The following ZNF609 variants were observed in gnomAD, a reference collection of about 807,000 sequenced individuals.
ZNF609 encodes the protein zinc finger protein 609.
A neutral mutation model predicts 109.5 loss-of-function variants in ZNF609; 11 were observed. That is an observed-to-expected ratio of 0.10 (90% confidence interval 0.06 to 0.17). The LOEUF (loss-of-function observed/expected upper bound fraction) is 0.17, where lower values mean the gene tolerates loss of function less well. Ranked by LOEUF, ZNF609 falls within the 10% of genes least tolerant of loss-of-function variation. ZNF609 has a pLI of 1.00. For missense variants in ZNF609, 1,559 were observed against 1,772.4 expected (o/e 0.88, Z 2.16); for synonymous variants, 646 against 662.0 (o/e 0.98, Z 0.37).
intron 3 of ZNF609, among the ~76,000 whole-genome samples, chr15:64,662,074 A>G (rs577431942): frequency 6.7e-6 from 1 of 150,010 alleles, no homozygotes; most frequent in South Asian, 2.1e-4. Context: ...CTGAAAGCAT[A>G]TCTGGGGCTG....
chr15:64,548,092 A>G (rs1894397977), intron 2 of ZNF609, among the ~76,000 whole-genome samples: 1 of 152,200 alleles, frequency 6.6e-6, no homozygotes. Context: ...TCTAATTTGC[A>G]AGGAATTTTT....
chr15:64,616,671 C>T (rs566003674), intron 2 of ZNF609, among the ~76,000 whole-genome samples: 3 of 151,234 alleles, frequency 2.0e-5, no homozygotes, highest in East Asian at 1.9e-4. Flanking sequence ...AGGCGCCCGC[C>T]ACCACACCCG....
chr15:64,477,437 G>T (rs982126404), intron 1 of ZNF609, among the ~76,000 whole-genome samples: 2 of 151,986 alleles, frequency 1.3e-5, no homozygotes, highest in Admixed American at 6.6e-5. Context: ...ACCACGCCTG[G>T]CCTGCTTTAC....
intron 3 of ZNF609, among the ~76,000 whole-genome samples, chr15:64,648,542 T>G (rs895965847): frequency 6.6e-6 from 1 of 152,098 alleles, no homozygotes; most frequent in African/African-American, 2.4e-5. Context: ...TGATTGGGAT[T>G]CAGATCCTAG....
chr15:64,487,394 A>C (rs567407570), intron 1 of ZNF609, among the ~76,000 whole-genome samples: 7 of 152,186 alleles, frequency 4.6e-5, no homozygotes, highest in Non-Finnish European at 8.8e-5. Flanking sequence ...AAAAAGTATA[A>C]TATGTATGTA....
chr15:64,670,242 C>A, intron 3 of ZNF609, 104 bp from the exon 4 acceptor site: 2 of 902,404 alleles, frequency 2.2e-6, no homozygotes, highest in South Asian at 1.4e-5. Flanking sequence ...CCCAGAGTAC[C>A]TCCTAAACCC....
At chr15:64,488,707 T>G (rs555731234) in intron 1 of ZNF609, among the ~76,000 whole-genome samples, 52 of 152,246 alleles carry the variant, frequency 3.4e-4, no homozygotes, top group Non-Finnish European at 6.2e-4. Flanking sequence ...GTCTAGAATA[T>G]AAAAAATGAA....
chr15:64,552,795 C>T (rs537211413), intron 2 of ZNF609, among the ~76,000 whole-genome samples: 2 of 152,246 alleles, frequency 1.3e-5, no homozygotes, highest in South Asian at 4.1e-4. Flanking sequence ...ACTACAGGCA[C>T]ATGCAACCGT....
chr15:64,475,893 C>T (rs1893163003), intron 1 of ZNF609, among the ~76,000 whole-genome samples: 2 of 152,094 alleles, frequency 1.3e-5, no homozygotes, highest in African/African-American at 2.4e-5. Context: ...TTTTAGACTT[C>T]TTTTTATGCA....
intron 3 of ZNF609, among the ~76,000 whole-genome samples, chr15:64,666,169 G>A (rs1023820507): frequency 1.3e-5 from 2 of 151,814 alleles, no homozygotes; most frequent in Middle Eastern, 3.4e-3. Flanking sequence ...CAAGTTGGGT[G>A]GATCGCTTGG....
chr15:64,630,998 C>G (rs931485687), intron 3 of ZNF609: 4 of 247,558 alleles, frequency 1.6e-5, no homozygotes, highest in Non-Finnish European at 3.2e-5. Flanking sequence ...TGAATTAGGA[C>G]ACAATTAAAA....
intron 2 of ZNF609, among the ~76,000 whole-genome samples, chr15:64,541,199 C>G (rs1288971847): frequency 3.4e-5 from 5 of 148,036 alleles, no homozygotes; most frequent in East Asian, 4.2e-4. Context: ...AGGCTGAGGC[C>G]GGCGGATCAC....
chr15:64,477,386 G>C (rs939139893), intron 1 of ZNF609, among the ~76,000 whole-genome samples: 61 of 151,550 alleles, frequency 4.0e-4, no homozygotes, highest in African/African-American at 1.4e-3. Context: ...GTGATCCGCC[G>C]GCCTCAGCCT....
intron 3 of ZNF609, among the ~76,000 whole-genome samples, chr15:64,642,000 G>A (rs529321658): frequency 2.3e-4 from 35 of 152,210 alleles, no homozygotes; most frequent in Non-Finnish European, 7.4e-5. Flanking sequence ...CATGAATTGA[G>A]GATGAATGGT....
intron 2 of ZNF609, among the ~76,000 whole-genome samples, chr15:64,506,888 A>G (rs1893645320): frequency 6.6e-6 from 1 of 152,226 alleles, no homozygotes; most frequent in South Asian, 2.1e-4. Context: ...AAATACAACA[A>G]CATTCCACTT....
intron 1 of ZNF609, among the ~76,000 whole-genome samples, chr15:64,482,653 T>C (rs1640680124): frequency 6.6e-6 from 1 of 152,194 alleles, no homozygotes; most frequent in Non-Finnish European, 1.5e-5. Flanking sequence ...ATTGAGATGA[T>C]TTGGTGCCAG....
chr15:64,619,111 C>T (rs1426408099), intron 2 of ZNF609, among the ~76,000 whole-genome samples: 1 of 152,196 alleles, frequency 6.6e-6, no homozygotes, highest in African/African-American at 2.4e-5. Context: ...TCCCAAGTAG[C>T]TAGGACTGCA....
At chr15:64,670,249 A>T in intron 3 of ZNF609, 97 bp from the exon 4 acceptor site, 1 of 990,294 alleles carries the variant, frequency 1.0e-6, no homozygotes, top group Non-Finnish European at 1.6e-6. Flanking sequence ...TACCTCCTAA[A>T]CCCTCTTATA....
At chr15:64,548,429 C>T (rs776248068) in intron 2 of ZNF609, among the ~76,000 whole-genome samples, 2 of 152,084 alleles carry the variant, frequency 1.3e-5, no homozygotes, top group African/African-American at 4.8e-5. Context: ...CTTTACAAGT[C>T]GATGAATCAA....
Sources: gnomAD v4.1 joint callset for allele counts (sites outside exome capture counted in the v4.1 genomes callset) on GRCh38, gnomAD v4.1.1 for gene constraint, MANE v1.5 for transcripts, NCBI Gene and HGNC (gene_info 2026-07-23, HGNC 2026-07-21) for gene names.